Variants in PDE9A observed in about 807,000 individuals in gnomAD.
PDE9A encodes high affinity cGMP-specific 3',5'-cyclic phosphodiesterase 9A.
A neutral mutation model predicts 87.4 loss-of-function variants in PDE9A; 60 were observed. That is an observed-to-expected ratio of 0.69 (90% CI 0.56 to 0.85). The LOEUF (loss-of-function observed/expected upper bound fraction) is 0.85, where lower values mean the gene tolerates loss of function less well. Among genes scored for constraint, PDE9A ranks in the 40% least tolerant of loss-of-function variants. PDE9A has a pLI of 0.00. For synonymous variants in PDE9A, 272 were observed against 279.4 expected (o/e 0.97, Z 0.27); for missense variants, 665 against 779.0 (o/e 0.85, Z 1.74).
At chr21:42,674,655 C>T (rs891705982) in intron 1 of PDE9A, among the ~76,000 whole-genome samples, 7 of 152,206 alleles carry the variant, frequency 4.6e-5, no homozygotes, top group African/African-American at 1.4e-4. Flanking sequence ...CAGGTCCTCT[C>T]TGCTGCCTCC....
intron 18 of PDE9A, among the ~76,000 whole-genome samples, chr21:42,772,190 C>A (rs898122149): frequency 1.3e-5 from 2 of 152,224 alleles, no homozygotes; most frequent in Non-Finnish European, 2.9e-5. Context: ...CCAGTCCCCG[C>A]GGCTGTGGTG....
intron 1 of PDE9A, among the ~76,000 whole-genome samples, chr21:42,658,457 G>T (rs1014823904): frequency 2.0e-5 from 3 of 152,226 alleles, no homozygotes; most frequent in Non-Finnish European, 2.9e-5. Flanking sequence ...GTCTGGTGTG[G>T]TTAGCATGGT....
chr21:42,726,624 A>ATATATATATATATTTT, intron 4 of PDE9A, among the ~76,000 whole-genome samples: 6 of 19,772 alleles, frequency 3.0e-4, no homozygotes, highest in Non-Finnish European at 4.5e-4. Flanking sequence ...ATATATATAT[A>ATATATATATATATTTT]TTTTTTTTTT....
In PDE9A at chr21:42,760,486, G is replaced by T; in HGVS notation, c.1002+54G>T. The T allele has an allele frequency of 9.0e-7, 1 of 1,112,322 alleles. No homozygotes were observed. Among genetic ancestry groups the T allele is most frequent in the East Asian group, 2.6e-5 (1 of 38,564 alleles). 68.9% of individuals were successfully genotyped at this position (1,112,322 alleles called of 1,614,324 possible). Reference sequence around the variant, plus strand: ...CTCTACTCTCGGGGGTCAGACGGAGGCCCCCTTCCAGGGAGCGGCAGCCCC... The same window carrying T: ...CTCTACTCTCGGGGGTCAGACGGAGTCCCCCTTCCAGGGAGCGGCAGCCCC... On this transcript the variant is annotated intron_variant, in intron 12 of 19. Coordinates refer to ENST00000291539, the MANE Select transcript of PDE9A (RefSeq NM_002606.3). This position sits in a 1 kb window ranked among gnomAD's most constrained non-coding sequence, Gnocchi z 5.2.
intron 1 of PDE9A, among the ~76,000 whole-genome samples, chr21:42,670,166 TTCAC>T (rs2058332860): frequency 6.9e-6 from 1 of 144,392 alleles, no homozygotes; most frequent in Non-Finnish European, 1.5e-5. Flanking sequence ...CGCACACACA[TTCAC>T]ACGCACACAT....
intron 4 of PDE9A, among the ~76,000 whole-genome samples, chr21:42,730,835 A>C (rs2051656057): frequency 6.6e-6 from 1 of 152,224 alleles, no homozygotes; most frequent in Non-Finnish European, 1.5e-5. Context: ...TTTTGTGTAC[A>C]TGCATGATGA....
At chr21:42,769,687 C>CAT (rs760463817) in intron 17 of PDE9A, among the ~76,000 whole-genome samples, 1 of 45,320 alleles carries the variant, frequency 2.2e-5, no homozygotes, top group African/African-American at 1.5e-4. Context: ...CACACAGGCA[C>CAT]ACACATACAC....
In PDE9A at chr21:42,762,070, C is replaced by T. The variant is rs1458706901; in HGVS notation, c.1086-13C>T. 7 of 1,611,610 alleles carry T rather than the reference C, an allele frequency of 4.3e-6. No homozygotes were observed. Among genetic ancestry groups the T allele is most frequent in the East Asian group, 2.2e-5 (1 of 44,872 alleles). On this transcript the variant is annotated splice_polypyrimidine_tract_variant and intron_variant, in intron 13 of 19. Coordinates refer to ENST00000291539, the MANE Select transcript of PDE9A (RefSeq NM_002606.3). ...GCGCCTGAGTCTCCCCTCACTCTCT[C>T]CTTGCCTCCCAGGTACCAGATCAAT... is the stretch of plus-strand genomic sequence containing the variant.
In PDE9A at chr21:42,672,722, C is replaced by T. The variant is rs143068942; in HGVS notation, c.70-13470C>T. Among the ~76,000 whole-genome samples, 59 of 152,350 alleles carry T rather than the reference C, an allele frequency of 3.9e-4. 1 individual carries two copies. The East Asian group carries it at 0.011, about 29-fold the overall frequency. On this transcript the variant is annotated intron_variant, in intron 1 of 19. Coordinates refer to ENST00000291539, the MANE Select transcript of PDE9A (RefSeq NM_002606.3). ...AACCCGTCGAGTTTGGTTTCTTGTT[C>T]ATCCGACGCGGTTGATCTTATTAAC...
At chr21:42,706,771 C>G (rs73905753) in intron 4 of PDE9A, among the ~76,000 whole-genome samples, 2,695 of 147,008 alleles carry the variant, frequency 0.018, 71 homozygotes, top group African/African-American at 0.062. Flanking sequence ...GTGAGCAGTC[C>G]CCCCTCCATC....
intron 1 of PDE9A, among the ~76,000 whole-genome samples, chr21:42,658,611 T>C (rs1296584939): frequency 6.6e-6 from 1 of 152,192 alleles, no homozygotes; most frequent in Admixed American, 6.5e-5. Context: ...TGCAGGCATC[T>C]CTGCTCAATT....
Position 42,768,476 on chromosome 21 carries a change from T to C in PDE9A, c.1461+184T>C, listed in dbSNP as rs1184837377. On this transcript the variant is annotated intron_variant, in intron 16 of 19. Transcript: ENST00000291539. ...ACAAAATAGGTTATAATTTGAGACC[T>C]GAAAGACAGTAACAATCCAGAAAAG... is the stretch of plus-strand genomic sequence containing the variant. 3.3e-5 allele frequency: 39 copies of C among 1,181,398 alleles called. No homozygotes were observed. The South Asian group carries it at 7.5e-4, about 23-fold the overall frequency. 73.2% of individuals were successfully genotyped at this position (1,181,398 alleles called of 1,614,324 possible). A position where few individuals can be genotyped will look rare whatever the true frequency, so the allele number is the denominator to read the frequency against.
At chr21:42,774,204 A>C (rs548317903) in intron 19 of PDE9A, among the ~76,000 whole-genome samples, 1 of 152,254 alleles carries the variant, frequency 6.6e-6, no homozygotes, top group Non-Finnish European at 1.5e-5. Flanking sequence ...TTCAAGAGAT[A>C]GTGCATCAAG....
At chr21:42,741,226 G>A (rs149936666) in intron 7 of PDE9A, 1 of 152,356 alleles carries the variant, frequency 6.6e-6, no homozygotes, top group Non-Finnish European at 1.5e-5. Context: ...CTGCAGTCTA[G>A]ACAAAGCCAA....
chr21:42,737,537 G>A (rs1166304619), intron 7 of PDE9A, among the ~76,000 whole-genome samples: 2 of 152,294 alleles, frequency 1.3e-5, no homozygotes, highest in East Asian at 3.9e-4. Context: ...TTGGCTCACT[G>A]CAACCTCTGC....
chr21:42,714,112 G>A lies in PDE9A; in HGVS notation c.262+15101G>A, dbSNP rs371695633. Among the ~76,000 whole-genome samples, 10 of 139,128 alleles carry A rather than the reference G, an allele frequency of 7.2e-5. No individual in the cohort carries two copies. The South Asian group carries it at 9.1e-4, about 13-fold the overall frequency. 91.3% of individuals were successfully genotyped at this position (139,128 alleles called of 152,430 possible). On this transcript the variant is annotated intron_variant, in intron 4 of 19. Coordinates refer to ENST00000291539, the MANE Select transcript of PDE9A (RefSeq NM_002606.3). ...TGGCTCACTGCAAGCTCCACCTCCC[G>A]GGTTCACGCCATTCTCCTGCCTCAG...
At position 42,775,482 on chromosome 21, in the gene PDE9A, T is replaced by G. The variant is rs2057418546; in HGVS notation, c.*189T>G. 6 of 520,482 alleles carry G rather than the reference T, an allele frequency of 1.2e-5. No individual in the cohort carries two copies. The South Asian group carries it at 1.9e-4, about 16-fold the overall frequency. The allele number at this position is 520,482 out of a possible 1,614,324, so 32.2% of individuals were successfully genotyped here. ...TACAGAATTTTATTTTTAAACTGTC[T>G]TTTAAATAATATATTCTTATACGGA... On this transcript the variant is annotated 3_prime_UTR_variant, in exon 20 of 20. Transcript: ENST00000291539.
intron 1 of PDE9A, among the ~76,000 whole-genome samples, chr21:42,663,700 C>A (rs1457544635): frequency 2.6e-5 from 4 of 152,192 alleles, no homozygotes; most frequent in African/African-American, 7.2e-5. Context: ...TCATGCCAGG[C>A]TGAGACCAGC....
chr21:42,659,116 A>G lies in PDE9A; in HGVS notation c.69+5233A>G, dbSNP rs1465619829. 6.6e-6 allele frequency among the ~76,000 whole-genome samples: 1 copy of G among 152,184 alleles called. No homozygotes were observed. The highest frequency in any genetic ancestry group is 1.5e-5 in the Non-Finnish European group (1 of 68,030). On this transcript the variant is annotated intron_variant, in intron 1 of 19. Coordinates refer to ENST00000291539, the MANE Select transcript of PDE9A (RefSeq NM_002606.3). The surrounding 1 kb of genome is among the most constrained non-coding windows in gnomAD (Gnocchi z 4.1). ...GGTGCTGTCTCGGAGAGGGCACAGG[A>G]AACTGGGCCCTTCCCAATTTTAGCC...
Sources: gnomAD v4.1 joint callset for allele counts (sites outside exome capture counted in the v4.1 genomes callset) on GRCh38, gnomAD v4.1.1 for gene constraint, Gnocchi (gnomAD v3.1) non-coding constraint, MANE v1.5 for transcripts, NCBI Gene and HGNC (gene_info 2026-07-23, HGNC 2026-07-21) for gene names.